The following CNTN5 variants were observed in gnomAD, a reference collection of about 807,000 sequenced individuals.
CNTN5 encodes contactin 5, also known as contactin-5.
A neutral mutation model predicts 129.1 loss-of-function variants in CNTN5; 77 were observed. The observed-to-expected ratio is 0.60, with a 90% CI of 0.50 to 0.72. The LOEUF is 0.72. Ranked by LOEUF, CNTN5 falls within the 30% of genes least tolerant of loss-of-function variation. The pLI, the probability that CNTN5 is intolerant of heterozygous loss-of-function variation, is 0.00. For missense variants in CNTN5, 1,478 were observed against 1,328.8 expected, an observed-to-expected ratio of 1.11 and a Z score of -1.75; for synonymous variants, 509 against 465.6, an observed-to-expected ratio of 1.09 and a Z score of -1.20.
chr11:99,825,656 T>G (rs558879951), intron 4 of CNTN5, among the ~76,000 whole-genome samples: 1 of 152,190 alleles, frequency 6.6e-6, no homozygotes, highest in African/African-American at 2.4e-5. Context: ...TGATAGATGG[T>G]TTTGGAAAGT....
chr11:99,102,017 G>T (rs1281198989), intron 1 of CNTN5, among the ~76,000 whole-genome samples: 3 of 152,114 alleles, frequency 2.0e-5, no homozygotes, highest in Admixed American at 1.3e-4. Context: ...TGAAATCTAG[G>T]AGGTTCCCAA....
Position 99,275,801 on chromosome 11 carries a change from C to A in CNTN5, c.-209-49545C>A, listed in dbSNP as rs187777824. Among the ~76,000 whole-genome samples, 1,105 of 151,698 alleles carry A rather than the reference C, an allele frequency of 7.3e-3. 10 individuals carry two copies. The highest frequency in any genetic ancestry group is 0.011 in the Admixed American group (173 of 15,156). ...GATATAAAGTGCAAGTGTGCAAAGC[C>A]CCTTGAGGTTTAGTCTCAGACTGGC... On this transcript the variant is annotated intron_variant, in intron 1 of 24. Transcript: ENST00000524871.
intron 2 of CNTN5, among the ~76,000 whole-genome samples, chr11:99,370,469 A>G (rs892981785): frequency 6.6e-6 from 1 of 152,202 alleles, no homozygotes; most frequent in Admixed American, 6.5e-5. Context: ...CCCAAATTCC[A>G]AAGTATTGAA....
intron 1 of CNTN5, among the ~76,000 whole-genome samples, chr11:99,235,046 C>CTT (rs746821510): frequency 1.9e-5 from 1 of 53,812 alleles, no homozygotes; most frequent in Non-Finnish European, 3.1e-5. Flanking sequence ...GAAACCTACC[C>CTT]TTTTTCTTTT....
intron 21 of CNTN5, among the ~76,000 whole-genome samples, chr11:100,320,751 G>T (rs559334277): frequency 6.6e-6 from 1 of 152,172 alleles, no homozygotes; most frequent in South Asian, 2.1e-4. Context: ...GAAGCTGAAG[G>T]TCTAATTTCA....
intron 2 of CNTN5, among the ~76,000 whole-genome samples, chr11:99,496,951 G>A (rs1289591398): frequency 2.0e-5 from 3 of 152,050 alleles, no homozygotes; most frequent in South Asian, 4.1e-4. Flanking sequence ...TAATATCGTC[G>A]GCCAGAATTC....
chr11:100,046,940 A>G (rs1379189653), intron 9 of CNTN5, among the ~76,000 whole-genome samples: 1 of 152,140 alleles, frequency 6.6e-6, no homozygotes, highest in Non-Finnish European at 1.5e-5. Context: ...CAGATAGGAG[A>G]AATCCAAGAT....
intron 21 of CNTN5, among the ~76,000 whole-genome samples, chr11:100,317,862 T>C (rs1951599355): frequency 6.6e-6 from 1 of 152,186 alleles, no homozygotes. Flanking sequence ...CAAACCATTT[T>C]AAGACTCTTA....
chr11:99,316,569 A>G (rs560837793), intron 1 of CNTN5, among the ~76,000 whole-genome samples: 1 of 151,996 alleles, frequency 6.6e-6, no homozygotes, highest in Non-Finnish European at 1.5e-5. Context: ...GGTGTATTTT[A>G]TTTTCAGTAG....
At chr11:99,923,439 G>A (rs1949984117) in intron 7 of CNTN5, among the ~76,000 whole-genome samples, 1 of 151,946 alleles carries the variant, frequency 6.6e-6, no homozygotes, top group Non-Finnish European at 1.5e-5. Context: ...CCTATATAAA[G>A]TTATTTTACT....
chr11:100,220,780 C>T (rs778578988), intron 15 of CNTN5, among the ~76,000 whole-genome samples: 22 of 152,136 alleles, frequency 1.4e-4, no homozygotes, highest in Non-Finnish European at 3.1e-4. Context: ...AGTGGTAGAG[C>T]AGGGATTCAC....
chr11:99,391,642 A>G (rs1180720346), intron 2 of CNTN5, among the ~76,000 whole-genome samples: 1 of 152,076 alleles, frequency 6.6e-6, no homozygotes, highest in African/African-American at 2.4e-5. Flanking sequence ...TTCATAATAT[A>G]GAAAGGTGAA....
At chr11:99,799,370 G>GC in intron 3 of CNTN5, among the ~76,000 whole-genome samples, 1 of 151,858 alleles carries the variant, frequency 6.6e-6, no homozygotes, top group African/African-American at 2.4e-5. Context: ...GTTCAGTATG[G>GC]TGTTAGCTGT....
chr11:99,267,878 G>GCT (rs140841758), intron 1 of CNTN5, among the ~76,000 whole-genome samples: 13,910 of 149,284 alleles, frequency 0.093, 703 homozygotes, highest in Middle Eastern at 0.12. Context: ...CCCTCCTTGT[G>GCT]CTCTCTCTCT....
At chr11:99,103,321 C>T (rs1327048295) in intron 1 of CNTN5, among the ~76,000 whole-genome samples, 1 of 152,184 alleles carries the variant, frequency 6.6e-6, no homozygotes, top group Non-Finnish European at 1.5e-5. Flanking sequence ...TGTATGTATA[C>T]ACTAGCACAG....
chr11:99,814,678 TGAG>T (rs1207598308), intron 3 of CNTN5, among the ~76,000 whole-genome samples: 7 of 151,870 alleles, frequency 4.6e-5, no homozygotes, highest in African/African-American at 1.7e-4. Flanking sequence ...TGGAGGGAGT[TGAG>T]GAAATGAGAG....
At chr11:99,283,795 C>A (rs1333360491) in intron 1 of CNTN5, among the ~76,000 whole-genome samples, 2 of 151,934 alleles carry the variant, frequency 1.3e-5, no homozygotes, top group African/African-American at 4.8e-5. Flanking sequence ...AATTTAGATT[C>A]AACTGTATTG....
intron 7 of CNTN5, among the ~76,000 whole-genome samples, chr11:99,919,802 A>ATTTAT (rs145689745): frequency 0.036 from 5,243 of 147,634 alleles, 173 homozygotes; most frequent in East Asian, 0.15. Flanking sequence ...TTTCTAGAAT[A>ATTTAT]TTTATTTTAT....
At chr11:99,981,586 A>G (rs1938352773) in intron 8 of CNTN5, among the ~76,000 whole-genome samples, 1 of 152,174 alleles carries the variant, frequency 6.6e-6, no homozygotes, top group African/African-American at 2.4e-5. Flanking sequence ...GTTTCTTGGT[A>G]TTGCTTAACG....
Sources: allele counts gnomAD v4.1 joint callset (sites outside exome capture counted in the v4.1 genomes callset), GRCh38; gene constraint gnomAD v4.1.1; transcripts MANE v1.5; gene names NCBI Gene and HGNC (gene_info 2026-07-23, HGNC 2026-07-21).